Variants in PPM1B observed in about 807,000 individuals in gnomAD.
The protein encoded by PPM1B is protein phosphatase, Mg2+/Mn2+ dependent 1B, also known as protein phosphatase 1B.
In PPM1B, 22 loss-of-function variants were observed where a neutral mutation model predicts 43.0. That is an observed-to-expected ratio of 0.51 (90% CI 0.37 to 0.73). PPM1B has a LOEUF of 0.73. Ranked by LOEUF, PPM1B falls within the 30% of genes least tolerant of loss-of-function variation. The pLI, the probability that PPM1B is intolerant of heterozygous loss-of-function variation, is 0.00. For missense variants in PPM1B, 632 were observed against 584.2 expected, an observed-to-expected ratio of 1.08 and a Z score of -0.84; for synonymous variants, 217 against 197.9, an observed-to-expected ratio of 1.10 and a Z score of -0.81.
chr2:44,190,272 A>G (rs1224610489), intron 1 of PPM1B, among the ~76,000 whole-genome samples: 2 of 150,052 alleles, frequency 1.3e-5, no homozygotes, highest in Non-Finnish European at 2.9e-5. Context: ...CTCCTGCCTC[A>G]GCCTCTCGAG....
In PPM1B at chr2:44,241,593, G is replaced by A. The variant is rs1395772918; in HGVS notation, n.1547-2635G>A. Among the ~76,000 whole-genome samples the A allele has an allele frequency of 4.4e-5, 6 of 136,416 alleles. 1 individual carries two copies. The highest frequency in any genetic ancestry group is 2.3e-4 in the East Asian group (1 of 4,306). The allele number at this position is 136,416 out of a possible 152,430, so 89.5% of individuals were successfully genotyped here. Reference sequence around the variant, plus strand: ...CTAAAAATACAAAAATTAGCCAGGCGTGGTGGTGTGCACCTGTAATCCCAG... The same window carrying A: ...CTAAAAATACAAAAATTAGCCAGGCATGGTGGTGTGCACCTGTAATCCCAG... On this transcript the variant is annotated intron_variant and non_coding_transcript_variant, in intron 5 of 5. Transcript: ENST00000378540.
Position 44,230,817 on chromosome 2 carries a change from A to G in PPM1B, c.*99A>G. On this transcript the variant is annotated 3_prime_UTR_variant, in exon 6 of 6. Transcript: ENST00000282412. The stretch of plus-strand genomic sequence containing the variant: ...AACTGTTTTGTTATTTGAATCTTGG[A>G]AAACTAGTTTTATTATATTCAGATA... 1 of 1,483,860 alleles carries G rather than the reference A, an allele frequency of 6.7e-7. No individual in the cohort carries two copies. Among genetic ancestry groups the G allele is most frequent in the Non-Finnish European group, 9.0e-7 (1 of 1,116,584 alleles). 91.9% of individuals were successfully genotyped at this position (1,483,860 alleles called of 1,614,324 possible).
intron 1 of PPM1B, among the ~76,000 whole-genome samples, chr2:44,191,338 C>T (rs1327345253): frequency 2.0e-5 from 3 of 151,846 alleles, no homozygotes; most frequent in African/African-American, 4.8e-5. Flanking sequence ...CTCAGCCTGC[C>T]GAACAGCTGA....
intron 2 of PPM1B, among the ~76,000 whole-genome samples, chr2:44,207,272 A>G (rs972695177): frequency 6.6e-6 from 1 of 152,208 alleles, no homozygotes; most frequent in African/African-American, 2.4e-5. Flanking sequence ...GAACCGAGCC[A>G]TGCCTGCCTA....
intron 3 of PPM1B, 104 bp downstream of exon 3, chr2:44,209,431 C>CA (rs61189208): frequency 0.06 from 51,323 of 853,662 alleles, 6 homozygotes; most frequent in East Asian, 0.08. Context: ...GGCTCTGTCT[C>CA]AAAAAAAAAA....
At position 44,218,025 on chromosome 2, in the gene PPM1B, C is replaced by G; in HGVS notation, c.1023C>G (p.Ile341Met). Residue 341 changes from isoleucine (I) to methionine (M), a missense_variant, in exon 4 of 6, where the codon ATC becomes ATG. Physicochemically the swap from Ile to Met is conservative, Grantham distance 10 (BLOSUM62 1). Transcript: ENST00000282412. ...GMPDLAHVMR[I>M]LSAENIPNLP... is the part of the protein sequence containing the mutation. ...CTGATCTTGCCCATGTCATGCGCATCTTGTCTGCAGAAAATATCCCAAATT... is the reference window on the plus strand; with the variant it reads ...CTGATCTTGCCCATGTCATGCGCATGTTGTCTGCAGAAAATATCCCAAATT... 1 of 1,613,042 alleles carries G rather than the reference C, an allele frequency of 6.2e-7. No homozygotes were observed. The highest frequency in any genetic ancestry group is 8.5e-7 in the Non-Finnish European group (1 of 1,179,730).
chr2:44,243,208 C>A (rs957814170), intron 5 of PPM1B, among the ~76,000 whole-genome samples: 1 of 152,200 alleles, frequency 6.6e-6, no homozygotes, highest in Non-Finnish European at 1.5e-5. Context: ...ATGCTCAGAG[C>A]TGAAGAGTAT....
At chr2:44,218,745 G>T in intron 5 of PPM1B, 4 of 487,522 alleles carry the variant, frequency 8.2e-6, no homozygotes, top group Non-Finnish European at 1.5e-5. Flanking sequence ...TAGTTTTGTT[G>T]TCACTTTCTG....
downstream of PPM1B, among the ~76,000 whole-genome samples, chr2:44,236,450 A>G (rs1423949223): frequency 1.3e-5 from 2 of 148,746 alleles, no homozygotes; most frequent in Non-Finnish European, 3.0e-5. Flanking sequence ...TGGTCTTCCT[A>G]TATGAAAATA....
chr2:44,235,176 C>T (rs115029415), downstream of PPM1B, among the ~76,000 whole-genome samples: 315 of 152,330 alleles, frequency 2.1e-3, no homozygotes, highest in African/African-American at 7.4e-3. Context: ...TCCACTGGGT[C>T]TGTCTTGCAT....
chr2:44,210,105 T>A (rs1301156214), intron 3 of PPM1B, among the ~76,000 whole-genome samples: 2 of 152,244 alleles, frequency 1.3e-5, no homozygotes, highest in East Asian at 1.9e-4. Context: ...CTTTTCGGGT[T>A]AATTATCATT....
At chr2:44,244,850 CACAT>C (rs1670827388), downstream of PPM1B, among the ~76,000 whole-genome samples, 2 of 135,648 alleles carry the variant, frequency 1.5e-5, no homozygotes, top group Admixed American at 7.3e-5. Flanking sequence ...CACACACACA[CACAT>C]ATATAGTGTG....
chr2:44,216,280 T>C (rs1669713884), intron 3 of PPM1B, among the ~76,000 whole-genome samples: 1 of 152,156 alleles, frequency 6.6e-6, no homozygotes, highest in Non-Finnish European at 1.5e-5. Flanking sequence ...GTGTCATAGC[T>C]GAGGGGGTGC....
rs1236285475 is a variant in PPM1B, at chr2:44,201,939, A to T, written c.740A>T (p.Asp247Val). 1 of 1,614,112 alleles carries T rather than the reference A, an allele frequency of 6.2e-7. No homozygotes were observed. Residue 247 changes from aspartate (D) to valine (V), a missense_variant, in exon 2 of 6, where the codon GAT becomes GTT. By Grantham distance (152) the Asp-to-Val change is radical. Transcript: ENST00000282412. This position sits in a 1 kb window ranked among gnomAD's most constrained non-coding sequence, Gnocchi z 5.4. ...ATCTTGGCTTGTGATGGGATCTGGGATGTTATGAGTAATGAGGAGCTCTGT... is the reference window on the plus strand; with the variant it reads ...ATCTTGGCTTGTGATGGGATCTGGGTTGTTATGAGTAATGAGGAGCTCTGT... Reference protein sequence around the residue: ...FIILACDGIWDVMSNEELCEY... With the variant: ...FIILACDGIWVVMSNEELCEY...
chr2:44,192,802 G>A (rs1302470687), intron 1 of PPM1B, among the ~76,000 whole-genome samples: 2 of 152,162 alleles, frequency 1.3e-5, no homozygotes, highest in African/African-American at 4.8e-5. Context: ...TCACATGCAA[G>A]TGAGAATATA....
chr2:44,190,555 C>A (rs1331438721), intron 1 of PPM1B, among the ~76,000 whole-genome samples: 1 of 152,040 alleles, frequency 6.6e-6, no homozygotes, highest in East Asian at 1.9e-4. Context: ...CTTGTTCTTA[C>A]TTTTTAAGGC....
chr2:44,175,023 G>A (rs962147164), intron 1 of PPM1B, among the ~76,000 whole-genome samples: 2 of 152,186 alleles, frequency 1.3e-5, no homozygotes, highest in Non-Finnish European at 2.9e-5. Context: ...GGGAGGCCGA[G>A]GTGGGCGGAT....
chr2:44,233,885 G>C (rs1433755516), downstream of PPM1B: 1 of 985,248 alleles, frequency 1.0e-6, no homozygotes, highest in Non-Finnish European at 1.2e-6. Context: ...CCCTTTACTG[G>C]GTTTGGGGGG....
intron 1 of PPM1B, among the ~76,000 whole-genome samples, chr2:44,197,707 G>A (rs115720642): frequency 1.2e-3 from 183 of 152,212 alleles, no homozygotes; most frequent in African/African-American, 4.2e-3. Context: ...AGTCTTAATA[G>A]GTTCGATTTC....
Sources: gnomAD v4.1 joint callset for allele counts (sites outside exome capture counted in the v4.1 genomes callset) on GRCh38, gnomAD v4.1.1 for gene constraint, Gnocchi (gnomAD v3.1) non-coding constraint, MANE v1.5 for transcripts, NCBI Gene and HGNC (gene_info 2026-07-23, HGNC 2026-07-21) for gene names.